KLF12: variants seen among roughly 807,000 people sequenced by gnomAD.
The protein encoded by KLF12 is Krueppel-like factor 12.
A neutral mutation model predicts 37.8 loss-of-function variants in KLF12; 9 were observed. The ratio of observed to expected loss-of-function variants is 0.24; its 90% CI spans 0.14 to 0.42. KLF12 has a LOEUF of 0.42. Among genes scored for constraint, KLF12 ranks in the 10% least tolerant of loss-of-function variants. The pLI is 1.00. For synonymous variants in KLF12, 208 were observed against 202.1 expected, an observed-to-expected ratio of 1.03 and a Z score of -0.25; for missense variants, 411 against 516.0, an observed-to-expected ratio of 0.80 and a Z score of 1.97.
chr13:73,942,254 G>T (rs1292796270), intron 3 of KLF12, among the ~76,000 whole-genome samples: 1 of 152,070 alleles, frequency 6.6e-6, no homozygotes, highest in Non-Finnish European at 1.5e-5. Flanking sequence ...TATAGTTTTT[G>T]CCTTCCTCCA....
At chr13:73,836,486 T>TA (rs1884440713) in intron 4 of KLF12, among the ~76,000 whole-genome samples, 1 of 152,182 alleles carries the variant, frequency 6.6e-6, no homozygotes, top group Non-Finnish European at 1.5e-5. Flanking sequence ...CATTTGTTCC[T>TA]ACTAATGAAA....
intron 5 of KLF12, among the ~76,000 whole-genome samples, chr13:73,805,012 G>C (rs943524139): frequency 2.0e-5 from 3 of 152,174 alleles, no homozygotes; most frequent in African/African-American, 7.2e-5. Flanking sequence ...CAATGCAGCT[G>C]ACTTAATTCT....
intron 1 of KLF12, among the ~76,000 whole-genome samples, chr13:74,038,541 G>C (rs151139736): frequency 5.3e-5 from 8 of 152,186 alleles, no homozygotes; most frequent in Non-Finnish European, 7.4e-5. Context: ...ACCTGAAGTT[G>C]ATCCATATAT....
intron 5 of KLF12, among the ~76,000 whole-genome samples, chr13:73,790,568 A>T (rs903243086): frequency 6.6e-6 from 1 of 152,238 alleles, no homozygotes; most frequent in Non-Finnish European, 1.5e-5. Context: ...ATTCAAAATA[A>T]AGTTATGCAT....
At chr13:74,108,767 A>C (rs1333502108) in intron 1 of KLF12, among the ~76,000 whole-genome samples, 1 of 152,224 alleles carries the variant, frequency 6.6e-6, no homozygotes, top group African/African-American at 2.4e-5. Flanking sequence ...AGTGGAAGTG[A>C]ATCATCATAA....
chr13:74,064,181 A>C (rs760135726), intron 1 of KLF12, among the ~76,000 whole-genome samples: 65 of 152,196 alleles, frequency 4.3e-4, no homozygotes, highest in Non-Finnish European at 8.7e-4. Context: ...CCATCTTGCA[A>C]TGGTGATGAT....
chr13:73,907,673 G>A (rs1888368314), intron 3 of KLF12, among the ~76,000 whole-genome samples: 1 of 152,146 alleles, frequency 6.6e-6, no homozygotes, highest in African/African-American at 2.4e-5. Context: ...GTGTTAGATG[G>A]CACAGTTCAT....
the KLF12 span, among the ~76,000 whole-genome samples, chr13:74,181,982 T>C: frequency 6.7e-3 from 1,023 of 152,352 alleles, 7 homozygotes; most frequent in Non-Finnish European, 9.5e-3. Flanking sequence ...TAGTACGCTA[T>C]AGATACGTCT....
chr13:73,993,829 G>A (rs1460866220), intron 2 of KLF12, among the ~76,000 whole-genome samples: 1 of 152,048 alleles, frequency 6.6e-6, no homozygotes, highest in African/African-American at 2.4e-5. Context: ...TACACCACAG[G>A]AATTGACAAA....
At chr13:74,265,825 G>T in the KLF12 span, among the ~76,000 whole-genome samples, 1 of 152,334 alleles carries the variant, frequency 6.6e-6, no homozygotes, top group Middle Eastern at 3.4e-3. Context: ...AAGGATGGAA[G>T]TCCTGGATCT....
intron 1 of KLF12, among the ~76,000 whole-genome samples, chr13:74,052,363 G>T (rs1286868965): frequency 6.6e-6 from 1 of 152,088 alleles, no homozygotes; most frequent in Non-Finnish European, 1.5e-5. Flanking sequence ...AGATAATTCT[G>T]AGAATTACAT....
In KLF12 at chr13:73,694,915, C is replaced by T. The variant is rs1416521477; in HGVS notation, c.*575G>A. 3 of 152,652 alleles carry T rather than the reference C, an allele frequency of 2.0e-5. No individual in the cohort carries two copies. Among genetic ancestry groups the T allele is most frequent in the Admixed American group, 2.0e-4 (3 of 15,276 alleles). The allele number at this position is 152,652 out of a possible 1,614,324, so 9.5% of individuals were successfully genotyped here. A position where few individuals can be genotyped will look rare whatever the true frequency, so the allele number is the denominator to read the frequency against. ...ACAAGTTGAGAGTGATATCTAGTGGCTGCCATCGCGATTGCAAAGGGCTGC... is the reference window on the plus strand; with the variant it reads ...ACAAGTTGAGAGTGATATCTAGTGGTTGCCATCGCGATTGCAAAGGGCTGC... On this transcript the variant is annotated 3_prime_UTR_variant, in exon 8 of 8. Transcript: ENST00000377669.
chr13:73,687,328 A>C lies in KLF12; in HGVS notation c.*8162T>G, dbSNP rs1873552162. 1 of 152,686 alleles carries C rather than the reference A, an allele frequency of 6.5e-6. No homozygotes were observed. Among genetic ancestry groups the C allele is most frequent in the African/African-American group, 2.4e-5 (1 of 41,472 alleles). The allele number at this position is 152,686 out of a possible 1,614,324, so 9.5% of individuals were successfully genotyped here. A position where few individuals can be genotyped will look rare whatever the true frequency, so the allele number is the denominator to read the frequency against. On this transcript the variant is annotated 3_prime_UTR_variant, in exon 8 of 8. Transcript: ENST00000377669. ...CACATAGACATGAACAAAACAATAC[A>C]GTCACTACCCCACAGGGGGACAGTG...
At chr13:74,137,746 T>C (rs1878600104), upstream of KLF12, among the ~76,000 whole-genome samples, 1 of 152,078 alleles carries the variant, frequency 6.6e-6, no homozygotes, top group South Asian at 2.1e-4. Flanking sequence ...TCTTTTTTTA[T>C]TTTTTATTTT....
intron 4 of KLF12, among the ~76,000 whole-genome samples, chr13:73,813,625 CCTT>C (rs1205206501): frequency 1.3e-5 from 2 of 152,196 alleles, no homozygotes; most frequent in Non-Finnish European, 2.9e-5. Context: ...TTCTCCTCCT[CCTT>C]GCTTCTGCTG....
the KLF12 span, among the ~76,000 whole-genome samples, chr13:74,247,638 A>T: frequency 6.6e-6 from 1 of 151,992 alleles, no homozygotes; most frequent in Non-Finnish European, 1.5e-5. Context: ...GTTATTTATT[A>T]TTATTATTTT....
intron 1 of KLF12, among the ~76,000 whole-genome samples, chr13:74,037,872 A>G (rs1195174896): frequency 6.6e-6 from 1 of 152,212 alleles, no homozygotes; most frequent in Non-Finnish European, 1.5e-5. Flanking sequence ...TCTTCATGCC[A>G]TAGTTAATGC....
At chr13:74,126,092 A>T (rs934781449) in intron 1 of KLF12, among the ~76,000 whole-genome samples, 8 of 152,266 alleles carry the variant, frequency 5.3e-5, no homozygotes, top group African/African-American at 1.9e-4. Context: ...TAGTGCATAT[A>T]GCACATATGT....
At position 74,133,870 on chromosome 13, in the gene KLF12, C is replaced by A. The variant is rs1428279212; in HGVS notation, c.-163G>T. On this transcript the variant is annotated 5_prime_UTR_variant, in exon 1 of 8. Transcript: ENST00000377669. The stretch of plus-strand genomic sequence containing the variant: ...ACACACTCGCACACACACGGCGTCA[C>A]CCGCGCACACGCACACGCAGAGCCT... Among the ~76,000 whole-genome samples, 1 of 152,082 alleles carries A rather than the reference C, an allele frequency of 6.6e-6. No individual in the cohort carries two copies. The highest frequency in any genetic ancestry group is 2.4e-5 in the African/African-American group (1 of 41,402).
Sources: allele counts gnomAD v4.1 joint callset (sites outside exome capture counted in the v4.1 genomes callset), GRCh38; gene constraint gnomAD v4.1.1; transcripts MANE v1.5; gene names NCBI Gene and HGNC (gene_info 2026-07-23, HGNC 2026-07-21).